Variants in KIFAP3 observed in about 807,000 individuals in gnomAD.
The protein encoded by KIFAP3 is kinesin associated protein 3.
A neutral mutation model predicts 106.5 loss-of-function variants in KIFAP3; 68 were observed. That is an observed-to-expected ratio of 0.64 (90% CI 0.53 to 0.78). The LOEUF (loss-of-function observed/expected upper bound fraction) is 0.78. Among genes scored for constraint, KIFAP3 ranks in the 30% least tolerant of loss-of-function variants. The probability of loss-of-function intolerance (pLI) is 0.00; values close to 1 mark genes in which losing one functional copy is unlikely to be tolerated. For missense variants in KIFAP3, 780 were observed against 941.8 expected (o/e 0.83, Z 2.25); for synonymous variants, 320 against 311.5 (o/e 1.03, Z -0.29).
intron 16 of KIFAP3, among the ~76,000 whole-genome samples, chr1:169,975,390 CA>C (rs11312911): frequency 0.94 from 142,499 of 152,060 alleles, 66,853 homozygotes; most frequent in East Asian, 1. Context: ...AACTTTCTAA[CA>C]AAAAATAAGA....
At chr1:169,958,177 G>A (rs976732492) in intron 18 of KIFAP3, 1 of 152,268 alleles carries the variant, frequency 6.6e-6, no homozygotes, top group Non-Finnish European at 1.5e-5. Flanking sequence ...GAGCTCTTAA[G>A]ACTCAAGTAA....
chr1:170,014,498 T>C (rs1339678151), intron 10 of KIFAP3, among the ~76,000 whole-genome samples: 1 of 152,198 alleles, frequency 6.6e-6, no homozygotes, highest in African/African-American at 2.4e-5. Context: ...CCTATGAAAA[T>C]GACAACTTTT....
chr1:170,077,502 A>G (rs1671944050), upstream of KIFAP3, among the ~76,000 whole-genome samples: 4 of 152,272 alleles, frequency 2.6e-5, no homozygotes, highest in African/African-American at 7.2e-5. Flanking sequence ...GATGAATATT[A>G]GAAACATGAT....
intron 19 of KIFAP3, among the ~76,000 whole-genome samples, chr1:169,942,144 T>C (rs1470629643): frequency 6.6e-6 from 1 of 152,204 alleles, no homozygotes; most frequent in Non-Finnish European, 1.5e-5. Context: ...GTGTCTTCTC[T>C]ATAATGAAAA....
intron 19 of KIFAP3, chr1:169,923,191 C>T: frequency 4.2e-6 from 2 of 472,796 alleles, no homozygotes; most frequent in South Asian, 1.8e-4. Context: ...AAAACTCTGT[C>T]TATAGTTTCT....
chr1:170,027,721 T>C (rs1223168561), intron 8 of KIFAP3, among the ~76,000 whole-genome samples: 6 of 152,130 alleles, frequency 3.9e-5, no homozygotes, highest in African/African-American at 7.2e-5. Flanking sequence ...GCCTAATATA[T>C]GTTTAACTGA....
chr1:170,074,036 T>G (rs1369438718), intron 1 of KIFAP3, among the ~76,000 whole-genome samples: 2 of 151,896 alleles, frequency 1.3e-5, no homozygotes, highest in African/African-American at 2.4e-5. Context: ...AACCCCAAAC[T>G]GAGGCCTGAG....
At chr1:170,061,334 C>A (rs1671142205) in intron 1 of KIFAP3, among the ~76,000 whole-genome samples, 1 of 152,140 alleles carries the variant, frequency 6.6e-6, no homozygotes, top group Non-Finnish European at 1.5e-5. Flanking sequence ...CAAACAACCC[C>A]ATCAAAAAGT....
chr1:170,079,537 C>A (rs1671981839), upstream of KIFAP3, among the ~76,000 whole-genome samples: 1 of 152,098 alleles, frequency 6.6e-6, no homozygotes, highest in Admixed American at 6.5e-5. Context: ...TATTAGCAAT[C>A]TAAGAATAGA....
intron 10 of KIFAP3, among the ~76,000 whole-genome samples, chr1:169,998,560 T>G (rs1007168107): frequency 6.6e-6 from 1 of 152,076 alleles, no homozygotes; most frequent in Non-Finnish European, 1.5e-5. Flanking sequence ...GAGTAAAGTT[T>G]CCCCTAGAAT....
intron 1 of KIFAP3, among the ~76,000 whole-genome samples, chr1:170,060,993 C>A (rs949144250): frequency 1.3e-5 from 2 of 152,156 alleles, no homozygotes; most frequent in African/African-American, 4.8e-5. Context: ...CTTCCTTACA[C>A]CTTATACAAA....
intron 19 of KIFAP3, among the ~76,000 whole-genome samples, chr1:169,931,310 T>C (rs2101784549): frequency 6.6e-6 from 1 of 152,278 alleles, no homozygotes; most frequent in East Asian, 1.9e-4. Context: ...AAGAGAAAAA[T>C]GACGTGCAAG....
At chr1:170,045,728 A>T (rs1670212692) in intron 3 of KIFAP3, among the ~76,000 whole-genome samples, 1 of 152,270 alleles carries the variant, frequency 6.6e-6, no homozygotes, top group East Asian at 1.9e-4. Flanking sequence ...TCAAACTAAG[A>T]TTTTCAAAAA....
At chr1:170,031,392 C>T (rs951359657) in intron 8 of KIFAP3, among the ~76,000 whole-genome samples, 54 of 151,708 alleles carry the variant, frequency 3.6e-4, no homozygotes, top group African/African-American at 1.2e-3. Flanking sequence ...CTTAAAAGCC[C>T]CATGTCATTA....
At chr1:170,017,888 A>G (rs1231469093) in intron 9 of KIFAP3, among the ~76,000 whole-genome samples, 1 of 152,216 alleles carries the variant, frequency 6.6e-6, no homozygotes, top group Non-Finnish European at 1.5e-5. Flanking sequence ...GCAAAAAATT[A>G]TTTTAATTTT....
Position 169,982,049 on chromosome 1 carries a change from G to A in KIFAP3, c.1721C>T (p.Thr574Ile), listed in dbSNP as rs1294095649. The change falls in exon 15 of 20, where the codon ACT becomes ATT. Residue 574 changes from threonine to isoleucine, a missense_variant. Around this residue, in one of 3 missense-constraint regions of KIFAP3, gnomAD observed 588 missense variants for 678.9 expected, o/e 0.87. Coordinates refer to ENST00000361580, the MANE Select transcript of KIFAP3 (RefSeq NM_014970.4). ...LVLEVVIMIG[T>I]VSMDDSCAAL... The stretch of plus-strand genomic sequence containing the variant: ...AGCACAAGAGTCATCCATGGATACA[G>A]TTCCAATCATTATAACCACTTCTAA... The A allele has an allele frequency of 6.2e-7, 1 of 1,613,242 alleles. No homozygotes were observed. Among genetic ancestry groups the A allele is most frequent in the South Asian group, 1.1e-5 (1 of 91,066 alleles).
chr1:169,983,632 CCT>C (rs1666644731), intron 12 of KIFAP3, among the ~76,000 whole-genome samples: 1 of 151,796 alleles, frequency 6.6e-6, no homozygotes, highest in Non-Finnish European at 1.5e-5. Flanking sequence ...TTTCCTCTTC[CCT>C]GTCTCATTTT....
intron 15 of KIFAP3, among the ~76,000 whole-genome samples, chr1:169,979,505 T>C (rs957492497): frequency 1.3e-5 from 2 of 152,160 alleles, no homozygotes; most frequent in Non-Finnish European, 2.9e-5. Context: ...ATCTTTTTAC[T>C]GGCTATCCCT....
chr1:170,045,185 GCACCTCGGAAAGA>G (rs1336444411), intron 3 of KIFAP3, among the ~76,000 whole-genome samples: 1 of 152,136 alleles, frequency 6.6e-6, no homozygotes, highest in African/African-American at 2.4e-5. Context: ...GCCAATAAAA[GCACCTCGGAAAGA>G]CTAGCCTTCC....
Sources: gnomAD v4.1 joint callset for allele counts (sites outside exome capture counted in the v4.1 genomes callset) on GRCh38, gnomAD v4.1.1 for gene constraint, gnomAD v4.1.1 regional missense constraint, MANE v1.5 for transcripts, NCBI Gene and HGNC (gene_info 2026-07-23, HGNC 2026-07-21) for gene names.